Variants in HHAT observed in about 807,000 individuals in gnomAD.
HHAT encodes the protein hedgehog acyltransferase.
Under a neutral mutation model 70.8 loss-of-function variants are expected in HHAT, and 47 were observed. The observed-to-expected ratio is 0.66, with a 90% CI of 0.53 to 0.85. The LOEUF is 0.85. Ranked by LOEUF, HHAT falls within the 40% of genes least tolerant of loss-of-function variation. The probability of loss-of-function intolerance (pLI) is 0.00; values close to 1 mark genes in which losing one functional copy is unlikely to be tolerated. For synonymous variants in HHAT, 228 were observed against 247.6 expected (o/e 0.92, Z 0.74); for missense variants, 609 against 604.8 (o/e 1.01, Z -0.07).
At chr1:210,489,018 C>T (rs930669860) in intron 8 of HHAT, among the ~76,000 whole-genome samples, 5 of 152,200 alleles carry the variant, frequency 3.3e-5, no homozygotes, top group African/African-American at 1.2e-4. Flanking sequence ...AAGTGGATAA[C>T]AGAAGCAATG....
In HHAT at chr1:210,419,511, C is replaced by G. The variant is rs1275199414; in HGVS notation, c.856+1186C>G. Among the ~76,000 whole-genome samples the G allele has an allele frequency of 2.0e-5, 3 of 152,310 alleles. No homozygotes were observed. In the East Asian group the frequency reaches 5.8e-4, roughly 29 times the overall value. ...TGGCTGACTTCTGCCTGTGCTCTGA[C>G]CTCCAGCCTGTAGCTCCAATAACTG... On this transcript the variant is annotated intron_variant, in intron 7 of 11. Coordinates refer to ENST00000261458, the MANE Select transcript of HHAT (RefSeq NM_018194.6).
At chr1:210,572,386 A>G (rs1656524636) in intron 9 of HHAT, among the ~76,000 whole-genome samples, 1 of 152,032 alleles carries the variant, frequency 6.6e-6, no homozygotes, top group South Asian at 2.1e-4. Flanking sequence ...GACAGTCTTG[A>G]GTGTCAGTGT....
At chr1:210,556,657 T>G (rs1393241992) in intron 9 of HHAT, among the ~76,000 whole-genome samples, 1 of 152,182 alleles carries the variant, frequency 6.6e-6, no homozygotes, top group Non-Finnish European at 1.5e-5. Flanking sequence ...TCTTGCCATG[T>G]TTGATTGATT....
intron 3 of HHAT, among the ~76,000 whole-genome samples, chr1:210,382,868 C>T (rs1383161422): frequency 6.6e-6 from 1 of 152,122 alleles, no homozygotes; most frequent in East Asian, 1.9e-4. Flanking sequence ...GGTACAGGGA[C>T]AAGCATGAGT....
intron 9 of HHAT, among the ~76,000 whole-genome samples, chr1:210,541,917 G>C (rs1255665603): frequency 6.6e-6 from 1 of 152,152 alleles, no homozygotes; most frequent in East Asian, 1.9e-4. Context: ...CTCTCCCTTG[G>C]AGAATGTTTC....
intron 9 of HHAT, among the ~76,000 whole-genome samples, chr1:210,575,383 ATTAGAC>A (rs1657459294): frequency 6.6e-6 from 1 of 152,174 alleles, no homozygotes; most frequent in Non-Finnish European, 1.5e-5. Context: ...TTTATTAGCA[ATTAGAC>A]TCAGCTCTGC....
At chr1:210,368,170 C>G (rs2089195454) in intron 3 of HHAT, among the ~76,000 whole-genome samples, 1 of 152,108 alleles carries the variant, frequency 6.6e-6, no homozygotes, top group African/African-American at 2.4e-5. Flanking sequence ...GGTATATTGT[C>G]ATTCATTTTT....
intron 7 of HHAT, among the ~76,000 whole-genome samples, chr1:210,461,272 C>T (rs1466148213): frequency 2.6e-5 from 4 of 152,020 alleles, no homozygotes; most frequent in Non-Finnish European, 5.9e-5. Flanking sequence ...ATTTTTAGGT[C>T]AAGGGGAAAG....
chr1:210,578,586 C>G (rs1233113022), intron 9 of HHAT, among the ~76,000 whole-genome samples: 1 of 152,108 alleles, frequency 6.6e-6, no homozygotes, highest in East Asian at 1.9e-4. Context: ...TCTATTGATA[C>G]ATGAATTGAT....
intron 9 of HHAT, among the ~76,000 whole-genome samples, chr1:210,571,902 G>A (rs1384857521): frequency 6.6e-6 from 1 of 152,168 alleles, no homozygotes; most frequent in Non-Finnish European, 1.5e-5. Flanking sequence ...TAAAATGCCA[G>A]CTCTTAAAAT....
At chr1:210,616,344 C>A (rs1366863930) in intron 10 of HHAT, among the ~76,000 whole-genome samples, 1 of 150,800 alleles carries the variant, frequency 6.6e-6, no homozygotes, top group African/African-American at 2.4e-5. Flanking sequence ...CTCCAACACC[C>A]CCTTTTCCCC....
At chr1:210,536,254 C>T (rs1404665254) in intron 9 of HHAT, among the ~76,000 whole-genome samples, 33 of 152,206 alleles carry the variant, frequency 2.2e-4, no homozygotes, top group Non-Finnish European at 1.8e-4. Context: ...AGAATTTTAC[C>T]ATCCTTCATC....
intron 9 of HHAT, among the ~76,000 whole-genome samples, chr1:210,549,556 C>G (rs1185846086): frequency 6.7e-6 from 1 of 148,802 alleles, no homozygotes; most frequent in African/African-American, 2.5e-5. Context: ...ATCCATATGC[C>G]TACAGGGTCT....
chr1:210,405,397 A>T (rs1271307429), intron 6 of HHAT, among the ~76,000 whole-genome samples: 2 of 152,248 alleles, frequency 1.3e-5, no homozygotes, highest in Non-Finnish European at 2.9e-5. Context: ...AAGTTAATTC[A>T]CCTAAGGAAT....
chr1:210,584,491 T>C (rs192481674), intron 9 of HHAT, among the ~76,000 whole-genome samples: 2 of 152,290 alleles, frequency 1.3e-5, no homozygotes, highest in East Asian at 3.9e-4. Context: ...AGGCAGTGAA[T>C]TGTGGCCCAT....
intron 11 of HHAT, among the ~76,000 whole-genome samples, chr1:210,654,049 T>G (rs78978635): frequency 0.055 from 17 of 308 alleles, no homozygotes; most frequent in African/African-American, 0.091. Flanking sequence ...AATAGTGTGA[T>G]GGAATAGTGT....
At chr1:210,461,043 C>G (rs574585466) in intron 7 of HHAT, among the ~76,000 whole-genome samples, 1 of 152,166 alleles carries the variant, frequency 6.6e-6, no homozygotes, top group Non-Finnish European at 1.5e-5. Flanking sequence ...CTTATACATA[C>G]AAACCCAGAA....
intron 10 of HHAT, among the ~76,000 whole-genome samples, chr1:210,611,532 C>T (rs1666585584): frequency 6.6e-6 from 1 of 152,098 alleles, no homozygotes. Flanking sequence ...GCCAGAGCTA[C>T]CAATACTATG....
intron 10 of HHAT, among the ~76,000 whole-genome samples, chr1:210,592,216 G>A (rs1573569549): frequency 6.6e-6 from 1 of 151,964 alleles, no homozygotes; most frequent in South Asian, 2.1e-4. Flanking sequence ...TTAATATGGT[G>A]AGAGATAGGG....
Sources: gnomAD v4.1 joint callset for allele counts (sites outside exome capture counted in the v4.1 genomes callset) on GRCh38, gnomAD v4.1.1 for gene constraint, MANE v1.5 for transcripts, NCBI Gene and HGNC (gene_info 2026-07-23, HGNC 2026-07-21) for gene names.